The following LUC7L3 variants were observed in gnomAD, a reference collection of about 807,000 sequenced individuals.
LUC7L3 encodes luc7-like protein 3.
In LUC7L3, 6 loss-of-function variants were observed where a neutral mutation model predicts 66.8. That is an observed-to-expected ratio of 0.09 (90% CI 0.05 to 0.18). The LOEUF is 0.18. Among genes scored for constraint, LUC7L3 ranks in the 10% least tolerant of loss-of-function variants. The probability of loss-of-function intolerance (pLI) is 1.00; values close to 1 mark genes in which losing one functional copy is unlikely to be tolerated. For synonymous variants in LUC7L3, 160 were observed against 174.7 expected (o/e 0.92, Z 0.66); for missense variants, 341 against 531.1 (o/e 0.64, Z 3.52).
chr17:50,751,325 G>C lies in LUC7L3; in HGVS notation c.*664G>C. On this transcript the variant is annotated 3_prime_UTR_variant, in exon 10 of 10. Coordinates refer to ENST00000505658, the MANE Select transcript of LUC7L3 (RefSeq NM_016424.5). ...TGGTGTTGTGAGCGGCCCATGAAAA[G>C]CCAAATTAAAAATCAAGGATTCAGT... 5 of 1,302,216 alleles carry C rather than the reference G, an allele frequency of 3.8e-6. No homozygotes were observed. Among genetic ancestry groups the C allele is most frequent in the Non-Finnish European group, 5.0e-6 (5 of 997,540 alleles). 80.7% of individuals were successfully genotyped at this position (1,302,216 alleles called of 1,614,324 possible).
intron 2 of LUC7L3, among the ~76,000 whole-genome samples, chr17:50,739,988 C>T (rs1441636262): frequency 6.6e-6 from 1 of 152,058 alleles, no homozygotes; most frequent in Non-Finnish European, 1.5e-5. Flanking sequence ...TGGTCTGTCC[C>T]CATCAGTTTT....
intron 1 of LUC7L3, chr17:50,723,808 T>C (rs1354808659): frequency 8.8e-6 from 3 of 342,564 alleles, no homozygotes; most frequent in Non-Finnish European, 1.7e-5. Flanking sequence ...GGCTAATTTT[T>C]GTATTTTTAG....
chr17:50,748,669 G>A (rs1970827037), intron 9 of LUC7L3, among the ~76,000 whole-genome samples: 1 of 152,054 alleles, frequency 6.6e-6, no homozygotes, highest in African/African-American at 2.4e-5. Context: ...GTTACGTTTA[G>A]ATTAGCAACA....
rs780731628 is a variant in LUC7L3, at chr17:50,750,926, C to A, written c.*265C>A. On this transcript the variant is annotated 3_prime_UTR_variant, in exon 10 of 10. Coordinates refer to ENST00000505658, the MANE Select transcript of LUC7L3 (RefSeq NM_016424.5). ...AGTGTGCCTCTTTGGAAATTATCGCCCACATTTGTAATATAGTCGCCATTG... is the reference window on the plus strand; with the variant it reads ...AGTGTGCCTCTTTGGAAATTATCGCACACATTTGTAATATAGTCGCCATTG... 1 of 1,534,626 alleles carries A rather than the reference C, an allele frequency of 6.5e-7. No individual in the cohort carries two copies. Among genetic ancestry groups the A allele is most frequent in the East Asian group, 2.4e-5 (1 of 40,896 alleles).
chr17:50,728,803 C>T (rs555408276), intron 1 of LUC7L3, among the ~76,000 whole-genome samples: 1 of 152,346 alleles, frequency 6.6e-6, no homozygotes. Context: ...ATCTGCCTGC[C>T]TCGGCCTCCC....
At chr17:50,743,925 G>C (rs959446689) in intron 6 of LUC7L3, 115 bp downstream of exon 6, 19 of 749,522 alleles carry the variant, frequency 2.5e-5, no homozygotes, top group Admixed American at 2.7e-5. Context: ...AGCACAATTT[G>C]TAGCCCACAA....
chr17:50,720,637 T>C (rs902234537), intron 1 of LUC7L3, among the ~76,000 whole-genome samples: 2 of 152,264 alleles, frequency 1.3e-5, no homozygotes, highest in African/African-American at 4.8e-5. Flanking sequence ...TAATGTTTAC[T>C]TTAGGTCTTA....
At chr17:50,720,027 A>G (rs1968631941) in intron 1 of LUC7L3, among the ~76,000 whole-genome samples, 196 bp downstream of exon 1, 1 of 152,346 alleles carries the variant, frequency 6.6e-6, no homozygotes, top group East Asian at 1.9e-4. Flanking sequence ...TTGTTGTTCT[A>G]GTATCAAGGG....
intron 1 of LUC7L3, among the ~76,000 whole-genome samples, chr17:50,730,327 G>A (rs1322700760): frequency 1.3e-5 from 2 of 151,564 alleles, no homozygotes; most frequent in Non-Finnish European, 2.9e-5. Context: ...CCAGGAGTTC[G>A]AGATCAACCA....
At chr17:50,737,761 T>C (rs1251019218) in intron 2 of LUC7L3, among the ~76,000 whole-genome samples, 1 of 152,084 alleles carries the variant, frequency 6.6e-6, no homozygotes, top group African/African-American at 2.4e-5. Flanking sequence ...CATCTGTTGA[T>C]CTTACTCTCC....
chr17:50,743,676 T>G (rs1348445882), intron 5 of LUC7L3, 30 bp from the exon 6 acceptor site: 15 of 1,380,288 alleles, frequency 1.1e-5, no homozygotes, highest in Middle Eastern at 3.6e-4. Context: ...GAAAGAAATC[T>G]TAACTGTTTT....
chr17:50,740,510 A>G (rs911914380), intron 3 of LUC7L3, among the ~76,000 whole-genome samples, 165 bp downstream of exon 3: 1 of 152,114 alleles, frequency 6.6e-6, no homozygotes, highest in African/African-American at 2.4e-5. Context: ...AATGATACTG[A>G]TAGCTACCAC....
chr17:50,737,906 G>T (rs991828620), intron 2 of LUC7L3, among the ~76,000 whole-genome samples: 1 of 152,162 alleles, frequency 6.6e-6, no homozygotes, highest in Non-Finnish European at 1.5e-5. Flanking sequence ...TACATAACCA[G>T]GATCATTCTG....
chr17:50,739,889 GGAA>G (rs546219134), intron 2 of LUC7L3, among the ~76,000 whole-genome samples: 134 of 152,254 alleles, frequency 8.8e-4, no homozygotes, highest in Middle Eastern at 3.4e-3. Context: ...TTTAGAGGTG[GGAA>G]GAAGTAGGGG....
chr17:50,719,659 T>G lies in LUC7L3; in HGVS notation c.-74T>G. ...TCGGCCTGAGAGCGGGCCGAGGAGA[T>G]TGGCGACGGTGTCGCCCGTGTTTTC... On this transcript the variant is annotated 5_prime_UTR_variant, in exon 1 of 10. Coordinates refer to ENST00000505658, the MANE Select transcript of LUC7L3 (RefSeq NM_016424.5). 1 of 1,280,756 alleles carries G rather than the reference T, an allele frequency of 7.8e-7. No individual in the cohort carries two copies. Among genetic ancestry groups the G allele is most frequent in the Non-Finnish European group, 1.1e-6 (1 of 897,520 alleles). 79.3% of individuals were successfully genotyped at this position (1,280,756 alleles called of 1,614,324 possible).
intron 1 of LUC7L3, among the ~76,000 whole-genome samples, chr17:50,730,512 CCAA>C (rs1268513964): frequency 2.7e-3 from 45 of 16,700 alleles, no homozygotes; most frequent in African/African-American, 8.9e-3. Flanking sequence ...GACTCTGTCT[CCAA>C]AAAAAAAAAA....
intron 1 of LUC7L3, among the ~76,000 whole-genome samples, chr17:50,721,758 A>G (rs911634494): frequency 6.6e-6 from 1 of 152,208 alleles, no homozygotes; most frequent in Non-Finnish European, 1.5e-5. Context: ...ACCTGCAGGG[A>G]TGGGCAAACC....
At chr17:50,735,230 C>CAAA (rs907051149) in intron 1 of LUC7L3, among the ~76,000 whole-genome samples, 5 of 65,004 alleles carry the variant, frequency 7.7e-5, no homozygotes, top group East Asian at 5.0e-4. Flanking sequence ...AACTCTGTCT[C>CAAA]AAAAAAAAAA....
rs1970648181 is a variant in LUC7L3, at chr17:50,746,069, A to G, written c.977+66A>G. On this transcript the variant is annotated intron_variant, in intron 8 of 9. Transcript: ENST00000505658. ...GTGTGCAATAACAATAATAACTACT[A>G]GTATTATTCCTTGGAATGGTACTTG... 3 of 1,490,786 alleles carry G rather than the reference A, an allele frequency of 2.0e-6. No homozygotes were observed. The South Asian group carries it at 4.5e-5, about 22-fold the overall frequency. The allele number at this position is 1,490,786 out of a possible 1,614,324, so 92.3% of individuals were successfully genotyped here. A position where few individuals can be genotyped will look rare whatever the true frequency, so the allele number is the denominator to read the frequency against.
Sources: gnomAD v4.1 joint callset for allele counts (sites outside exome capture counted in the v4.1 genomes callset) on GRCh38, gnomAD v4.1.1 for gene constraint, MANE v1.5 for transcripts, NCBI Gene and HGNC (gene_info 2026-07-23, HGNC 2026-07-21) for gene names.